Variants in RAD21 observed in about 807,000 individuals in gnomAD.
RAD21 encodes double-strand-break repair protein rad21 homolog.
A neutral mutation model predicts 71.5 loss-of-function variants in RAD21; 18 were observed. That is an observed-to-expected ratio of 0.25 (90% CI 0.17 to 0.37). The LOEUF (loss-of-function observed/expected upper bound fraction) is 0.37, where lower values mean the gene tolerates loss of function less well. RAD21 is among the 10% of genes least tolerant of loss of function. The probability of loss-of-function intolerance (pLI) is 1.00; values close to 1 mark genes in which losing one functional copy is unlikely to be tolerated. For missense variants in RAD21, 493 were observed against 769.1 expected, an observed-to-expected ratio of 0.64 and a Z score of 4.25; for synonymous variants, 248 against 254.0, an observed-to-expected ratio of 0.98 and a Z score of 0.22.
At chr8:116,861,216 T>G (rs1168973916) in intron 4 of RAD21, among the ~76,000 whole-genome samples, 1 of 152,004 alleles carries the variant, frequency 6.6e-6, no homozygotes, top group East Asian at 1.9e-4. Context: ...TAGAGTTTCT[T>G]GGTTGTCAGT....
intron 1 of RAD21, among the ~76,000 whole-genome samples, chr8:116,872,442 G>A (rs1302827022): frequency 2.0e-5 from 3 of 152,026 alleles, no homozygotes; most frequent in Admixed American, 1.3e-4. Flanking sequence ...TACCTGTGGC[G>A]TACACATGAA....
rs1181426078 is a variant in RAD21 at position 116,874,690 on chromosome 8, G to C, written c.-112C>G. On this transcript the variant is annotated 5_prime_UTR_variant, in exon 1 of 14. Transcript: ENST00000297338. ...TCGGGGGAGGGGGTGGGGAAAGGGG[G>C]GAGCCCTTGCGAGGTGTAGCTTCCG... 2 of 420,528 alleles carry C rather than the reference G, an allele frequency of 4.8e-6. No individual in the cohort carries two copies. Among genetic ancestry groups the C allele is most frequent in the Non-Finnish European group, 9.5e-6 (2 of 209,880 alleles). 26.0% of individuals were successfully genotyped at this position (420,528 alleles called of 1,614,324 possible).
In RAD21 at chr8:116,847,691, G is replaced by A. The variant is rs1363929252; in HGVS notation, c.1705C>T (p.Arg569Cys). ...TCAGCTCCAGTTTTAGCAAGAGCAC[G>A]CTGAAATAAAACCAAAAAAGGGTAA... ...RTQQMLHGLQRALAKTGAESI... is the reference protein window; with the variant it reads ...RTQQMLHGLQCALAKTGAESI... Residue 569 changes from arginine (R) to cysteine (C), a missense_variant and splice_region_variant, in exon 14 of 14, where the codon CGT becomes TGT. Arg to Cys is a radical substitution (Grantham distance 180, BLOSUM62 -3). This residue lies in a region of RAD21 where 225 missense variants were observed against 218.3 expected (regional missense o/e 1.03). Coordinates refer to ENST00000297338, the MANE Select transcript of RAD21 (RefSeq NM_006265.3). 2.5e-6 allele frequency: 4 copies of A among 1,609,870 alleles called. No homozygotes were observed. The highest frequency in any genetic ancestry group is 2.5e-6 in the Non-Finnish European group (3 of 1,178,406).
chr8:116,868,139 C>T (rs1335849514), intron 1 of RAD21, among the ~76,000 whole-genome samples: 2 of 152,190 alleles, frequency 1.3e-5, no homozygotes, highest in African/African-American at 4.8e-5. Flanking sequence ...AACTCCTAGG[C>T]TCAAGCAATC....
chr8:116,874,431 C>T (rs1812925350), intron 1 of RAD21, 180 bp downstream of exon 1: 1 of 207,784 alleles, frequency 4.8e-6, no homozygotes, highest in South Asian at 6.8e-5. Flanking sequence ...GCGAAGGGGG[C>T]TGGGCGGGTG....
chr8:116,855,750 T>C (rs968156140), intron 8 of RAD21, among the ~76,000 whole-genome samples: 2 of 152,090 alleles, frequency 1.3e-5, no homozygotes, highest in Non-Finnish European at 2.9e-5. Flanking sequence ...TTCCAGCTCG[T>C]AGACCAACTG....
chr8:116,852,655 C>T lies in RAD21; in HGVS notation c.1215G>A (p.Arg405=), dbSNP rs1409569052. 2.5e-6 allele frequency: 4 copies of T among 1,613,094 alleles called. No individual in the cohort carries two copies. The highest frequency in any genetic ancestry group is 3.4e-6 in the Non-Finnish European group (4 of 1,179,530). The part of the protein sequence containing the change: ...PLVPEDLRKR[R]KGGEADNLDE... ...CCAAATTATCTGCCTCTCCTCCTTT[C>T]CTCCTTTTTCTAAGGTCTTCTGGTA... is the stretch of plus-strand genomic sequence containing the variant. The change falls in exon 10 of 14, where the codon AGG becomes AGA. Residue 405 remains arginine (R), a synonymous_variant. Coordinates refer to ENST00000297338, the MANE Select transcript of RAD21 (RefSeq NM_006265.3).
At chr8:116,851,909 TA>T (rs757727268) in intron 11 of RAD21, 38 bp downstream of exon 11, 3 of 1,574,056 alleles carry the variant, frequency 1.9e-6, no homozygotes, top group Non-Finnish European at 2.6e-6. Context: ...ACTGTATGAA[TA>T]CCTTCAAATG....
intron 13 of RAD21, among the ~76,000 whole-genome samples, chr8:116,848,270 A>G (rs1366057029): frequency 6.6e-6 from 1 of 152,236 alleles, no homozygotes; most frequent in Non-Finnish European, 1.5e-5. Context: ...TCAAGAGGGT[A>G]AAAGGCCAAA....
Position 116,854,511 on chromosome 8 carries a change from A to C in RAD21, c.938-43T>G, listed in dbSNP as rs765764891. On this transcript the variant is annotated intron_variant, in intron 8 of 13. Coordinates refer to ENST00000297338, the MANE Select transcript of RAD21 (RefSeq NM_006265.3). ...AATAAGATCATTTTCCTGAGAGGCC[A>C]GCATGGAACACACAGCTACAAGATC... 13 of 1,428,870 alleles carry C rather than the reference A, an allele frequency of 9.1e-6. No individual in the cohort carries two copies. In the South Asian group the frequency reaches 1.2e-4, roughly 13 times the overall value. 88.5% of individuals were successfully genotyped at this position (1,428,870 alleles called of 1,614,324 possible). A position where few individuals can be genotyped will look rare whatever the true frequency, so the allele number is the denominator to read the frequency against.
At position 116,856,205 on chromosome 8, in the gene RAD21, C is replaced by A. The variant is rs2130466261; in HGVS notation, c.898G>T (p.Glu300Ter). Residue 300 changes from glutamate (E) to a stop codon, truncating the protein, a stop_gained, in exon 8 of 14, where the codon GAG becomes TAG. Transcript: ENST00000297338. LOFTEE classifies it high-confidence loss of function. The part of the protein sequence containing the change: ...MTDQTTLVPN[E>*]EEAFALEPID... ...GGCTCCAATGCAAATGCTTCTTCCT[C>A]ATTTGGAACAAGTGTTGTTTGATCA... The A allele has an allele frequency of 6.2e-7, 1 of 1,604,520 alleles. No individual in the cohort carries two copies. Among genetic ancestry groups the A allele is most frequent in the East Asian group, 2.3e-5 (1 of 44,300 alleles).
At chr8:116,858,229 G>T in intron 5 of RAD21, 123 bp downstream of exon 5, 1 of 702,706 alleles carries the variant, frequency 1.4e-6, no homozygotes, top group Non-Finnish European at 2.3e-6. Flanking sequence ...TTCTTTTCTT[G>T]ATGAAAATGC....
chr8:116,851,170 T>C (rs1222243009), intron 11 of RAD21: 1 of 153,972 alleles, frequency 6.5e-6, no homozygotes, highest in Non-Finnish European at 1.4e-5. Flanking sequence ...CCACTTCCTA[T>C]ATCTTCTCTC....
At position 116,866,683 on chromosome 8, in the gene RAD21, T is replaced by C. The variant is rs1252270592; in HGVS notation, c.47A>G (p.Lys16Arg). 1 of 1,613,620 alleles carries C rather than the reference T, an allele frequency of 6.2e-7. No homozygotes were observed. Among genetic ancestry groups the C allele is most frequent in the Admixed American group, 1.7e-5 (1 of 59,954 alleles). The change falls in exon 2 of 14, where the codon AAA becomes AGA. Residue 16 changes from lysine to arginine, a missense_variant. By Grantham distance (26) the Lys-to-Arg change is conservative (BLOSUM62 2). Around this residue, in one of 5 missense-constraint regions of RAD21, gnomAD observed 27 missense variants for 144.1 expected, o/e 0.19. Coordinates refer to ENST00000297338, the MANE Select transcript of RAD21 (RefSeq NM_006265.3). Reference protein sequence around the residue: ...FVLSKRGPLAKIWLAAHWDKK... With the variant: ...FVLSKRGPLARIWLAAHWDKK... Reference sequence around the variant, plus strand: ...ATCCCAATGGGCCGCTAGCCAAATTTTGGCCAGAGGCCCTCTTTTACTGAG... The same window carrying C: ...ATCCCAATGGGCCGCTAGCCAAATTCTGGCCAGAGGCCCTCTTTTACTGAG...
chr8:116,852,724 A>AG lies in RAD21; in HGVS notation c.1162-17_1162-16insC. The AG allele has an allele frequency of 6.8e-7, 1 of 1,475,844 alleles. No individual in the cohort carries two copies. The highest frequency in any genetic ancestry group is 2.4e-5 in the Admixed American group (1 of 41,002). 91.4% of individuals were successfully genotyped at this position (1,475,844 alleles called of 1,614,324 possible). A position where few individuals can be genotyped will look rare whatever the true frequency, so the allele number is the denominator to read the frequency against. On this transcript the variant is annotated splice_polypyrimidine_tract_variant and intron_variant, in intron 9 of 13. Coordinates refer to ENST00000297338, the MANE Select transcript of RAD21 (RefSeq NM_006265.3). ...GTGTAAAGAGCTATTAAAAAAAAAAAAAAGAAAAATTTCAATTATAAAATA... is the reference window on the plus strand; with the variant it reads ...GTGTAAAGAGCTATTAAAAAAAAAAAGAAAGAAAAATTTCAATTATAAAATA...
chr8:116,848,814 TA>T, intron 13 of RAD21, 131 bp downstream of exon 13: 1 of 509,152 alleles, frequency 2.0e-6, no homozygotes, highest in Non-Finnish European at 3.3e-6. Flanking sequence ...AATAAATAAA[TA>T]AAAATGTAGT....
At chr8:116,854,172 C>G (rs1445013208) in intron 9 of RAD21, 73 bp downstream of exon 9, 1 of 1,256,532 alleles carries the variant, frequency 8.0e-7, no homozygotes, top group Non-Finnish European at 1.1e-6. Context: ...AAAAATGATT[C>G]AAAGGTTTTA....
At chr8:116,856,046 A>C in intron 8 of RAD21, 120 bp downstream of exon 8, 1 of 1,240,040 alleles carries the variant, frequency 8.1e-7, no homozygotes, top group Non-Finnish European at 1.1e-6. Flanking sequence ...GGCCAAAAAA[A>C]CAGAAAAAAG....
chr8:116,857,718 A>C lies in RAD21; in HGVS notation c.482-245T>G, dbSNP rs146384033. ...TCAAACTTAGATCTAGATTTAAATGATCCTAAAATATGTTTGATAAACTCT... is the reference window on the plus strand; with the variant it reads ...TCAAACTTAGATCTAGATTTAAATGCTCCTAAAATATGTTTGATAAACTCT... On this transcript the variant is annotated intron_variant, in intron 5 of 13. Transcript: ENST00000297338. Among the ~76,000 whole-genome samples the C allele has an allele frequency of 7.2e-5, 11 of 152,342 alleles. No homozygotes were observed. The East Asian group carries it at 2.1e-3, about 29-fold the overall frequency.
Sources: allele counts gnomAD v4.1 joint callset (sites outside exome capture counted in the v4.1 genomes callset), GRCh38; gene constraint gnomAD v4.1.1; regional missense constraint gnomAD v4.1.1; transcripts MANE v1.5; gene names NCBI Gene and HGNC (gene_info 2026-07-23, HGNC 2026-07-21).